ELN: variants seen among roughly 807,000 people sequenced by gnomAD.
ELN encodes the protein tropoelastin.
ELN carries 65 observed loss-of-function variants against 105.8 expected under a neutral mutation model. The observed-to-expected ratio is 0.61, with a 90% CI of 0.50 to 0.75. The LOEUF (loss-of-function observed/expected upper bound fraction) is 0.75. Ranked by LOEUF, ELN falls within the 30% of genes least tolerant of loss-of-function variation. The pLI is 0.00. For missense variants in ELN, 882 were observed against 969.4 expected, an observed-to-expected ratio of 0.91 and a Z score of 1.20; for synonymous variants, 368 against 389.2, an observed-to-expected ratio of 0.95 and a Z score of 0.64.
intron 4 of ELN, among the ~76,000 whole-genome samples, chr7:74,040,656 C>G (rs984998638): frequency 2.0e-5 from 3 of 152,120 alleles, no homozygotes; most frequent in Non-Finnish European, 2.9e-5. Context: ...GAATGTCTCC[C>G]GCAGTGGGAG....
In ELN at chr7:74,065,968, T is replaced by C. The variant is rs782459547; in HGVS notation, c.2057T>C (p.Leu686Pro). Reference sequence around the variant, plus strand: ...GGTGCTGCTGGCCTTGGAGGTGTCCTAGGGGGTGCCGGGCAGTTCCCACTT... The same window carrying C: ...GGTGCTGCTGGCCTTGGAGGTGTCCCAGGGGGTGCCGGGCAGTTCCCACTT... Reference protein sequence around the residue: ...KYGAAGLGGVLGGAGQFPLGG... With the variant: ...KYGAAGLGGVPGGAGQFPLGG... Residue 686 changes from leucine to proline, a missense_variant, in exon 31 of 33, where the codon CTA becomes CCA. Transcript: ENST00000252034. 1.9e-5 allele frequency: 30 copies of C among 1,613,908 alleles called. No individual in the cohort carries two copies. The South Asian group carries it at 3.2e-4, about 17-fold the overall frequency.
intron 9 of ELN, 32 bp downstream of exon 9, chr7:74,043,952 A>G: frequency 1.2e-6 from 2 of 1,613,774 alleles, no homozygotes; most frequent in Non-Finnish European, 1.7e-6. Flanking sequence ...GGGACTCTAT[A>G]GGAAGAAAGC....
In ELN at chr7:74,028,438, C is replaced by A. The variant is rs143319334; in HGVS notation, c.82+169C>A. 5.9e-3 allele frequency among the ~76,000 whole-genome samples: 897 copies of A among 152,312 alleles called. 5 individuals carry two copies. The highest frequency in any genetic ancestry group is 8.2e-3 in the Non-Finnish European group (557 of 68,016). On this transcript the variant is annotated intron_variant, in intron 1 of 32. Transcript: ENST00000252034. Reference sequence around the variant, plus strand: ...GGAACTGCCCCTCCCAGGAGCCAGCCCCGTGCCCAGGAGGAACCTGTCAAA... The same window carrying A: ...GGAACTGCCCCTCCCAGGAGCCAGCACCGTGCCCAGGAGGAACCTGTCAAA...
rs1795467072 is a variant in ELN at position 74,057,319 on chromosome 7, C to G, written c.1358-321C>G. On this transcript the variant is annotated intron_variant, in intron 21 of 32. Coordinates refer to ENST00000252034, the MANE Select transcript of ELN (RefSeq NM_000501.4). The stretch of plus-strand genomic sequence containing the variant: ...CTTCTTCCTCCGATTCTCCCACCCA[C>G]CCTTGCTCCCCCAAAAAGTGAGTAC... 3.0e-6 allele frequency: 4 copies of G among 1,335,330 alleles called. No individual in the cohort carries two copies. The South Asian group carries it at 7.1e-5, about 24-fold the overall frequency. 82.7% of individuals were successfully genotyped at this position (1,335,330 alleles called of 1,614,324 possible).
At position 74,048,515 on chromosome 7, in the gene ELN, A is replaced by AGGC. The variant is rs782345583; in HGVS notation, c.759_761dup (p.Ala260dup). 9 of 1,613,996 alleles carry AGGC rather than the reference A, an allele frequency of 5.6e-6. No individual in the cohort carries two copies. The highest frequency in any genetic ancestry group is 3.3e-5 in the Admixed American group (2 of 60,012). ...TTCCTTCCCCCAGGGGTTGGCCCCC[A>AGGC]GGCAGCAGCAGCAGCGGCAGCTAAA... On this transcript the variant is annotated inframe_insertion, in exon 15 of 33. Coordinates refer to ENST00000252034, the MANE Select transcript of ELN (RefSeq NM_000501.4).
Position 74,060,445 on chromosome 7 carries a change from T to G in ELN, c.1691T>G (p.Val564Gly). 6.2e-7 allele frequency: 1 copy of G among 1,613,632 alleles called. No homozygotes were observed. The highest frequency in any genetic ancestry group is 8.5e-7 in the Non-Finnish European group (1 of 1,179,946). ...GVGVGVPGLG[V>G]GAGVPGLGVG... The stretch of plus-strand genomic sequence containing the variant: ...GGTGTCGGCGTCCCTGGACTTGGAG[T>G]TGGTGCTGGTGTTCCTGGACTTGGA... The change falls in exon 25 of 33, where the codon GTT becomes GGT. Residue 564 changes from valine to glycine, a missense_variant. Coordinates refer to ENST00000252034, the MANE Select transcript of ELN (RefSeq NM_000501.4).
intron 17 of ELN, 97 bp downstream of exon 17, chr7:74,052,080 T>C (rs1206380544): frequency 1.3e-5 from 17 of 1,359,908 alleles, no homozygotes; most frequent in East Asian, 2.3e-5. Context: ...CCTTTGTTCC[T>C]TCCCAAATAT....
Position 74,059,972 on chromosome 7 carries a change from G to A in ELN, c.1501G>A (p.Val501Ile), listed in dbSNP as rs781816860. The change falls in exon 23 of 33, where the codon GTT (valine) becomes ATT (isoleucine). Residue 501 changes from valine to isoleucine, a missense_variant. Val to Ile is a conservative substitution (Grantham distance 29). Transcript: ENST00000252034. ...TCCTGGAGTTGGCTTGGCTCCTGGA[G>A]TTGGCGTGGCTCCTGGAGTTGGTGT... ...VAPGVGLAPG[V>I]GVAPGVGVAP... 5.6e-6 allele frequency: 9 copies of A among 1,613,554 alleles called. No individual in the cohort carries two copies. The highest frequency in any genetic ancestry group is 4.0e-5 in the African/African-American group (3 of 74,850).
At chr7:74,057,329 C>T (rs879970380) in intron 21 of ELN, 71 of 1,409,490 alleles carry the variant, frequency 5.0e-5, no homozygotes, top group Non-Finnish European at 6.2e-5. Flanking sequence ...CCCTTGCTCC[C>T]CCAAAAAGTG....
At chr7:74,048,229 C>A (rs782124458) in intron 14 of ELN, 28 bp downstream of exon 14, 1 of 1,613,872 alleles carries the variant, frequency 6.2e-7, no homozygotes. Context: ...TCACTTCCAG[C>A]CAAGGGAGCA....
chr7:74,056,596 G>A (rs1339985587), intron 20 of ELN, 76 bp from the exon 21 acceptor site: 10 of 1,611,014 alleles, frequency 6.2e-6, no homozygotes, highest in Non-Finnish European at 7.6e-6. Context: ...TTACAGGGCA[G>A]AAGAGCTTTA....
rs567464161 is a variant in ELN at position 74,055,789 on chromosome 7, G to C, written c.1151-482G>C. Among the ~76,000 whole-genome samples, 6 of 135,268 alleles carry C rather than the reference G, an allele frequency of 4.4e-5. 1 individual carries two copies. Among genetic ancestry groups the C allele is most frequent in the African/African-American group, 1.7e-4 (6 of 35,886 alleles). 88.7% of individuals were successfully genotyped at this position (135,268 alleles called of 152,430 possible). A position where few individuals can be genotyped will look rare whatever the true frequency, so the allele number is the denominator to read the frequency against. On this transcript the variant is annotated intron_variant, in intron 19 of 32. Transcript: ENST00000252034. ...AGCCACTGCACCCGGCCAAAAAAAA[G>C]AAATTTTTTTTTTTTGAGACGGAGT... is the stretch of plus-strand genomic sequence containing the variant.
At chr7:74,068,341 C>G (rs529093086) in intron 32 of ELN, among the ~76,000 whole-genome samples, 1 of 152,324 alleles carries the variant, frequency 6.6e-6, no homozygotes, top group East Asian at 1.9e-4. Flanking sequence ...TGCTCTTAGC[C>G]TTTCCCCGAA....
chr7:74,054,786 C>G lies in ELN; in HGVS notation c.1150+17C>G, dbSNP rs375976670. 1.9e-6 allele frequency: 3 copies of G among 1,613,810 alleles called. No individual in the cohort carries two copies. Among genetic ancestry groups the G allele is most frequent in the East Asian group, 2.2e-5 (1 of 44,892 alleles). The stretch of plus-strand genomic sequence containing the variant: ...CCAAATACGGTGAGTGCTATGCTGA[C>G]AGCTCTGCCCCACCCTGTCCTGGCC... On this transcript the variant is annotated intron_variant, in intron 19 of 32. Transcript: ENST00000252034.
intron 1 of ELN, among the ~76,000 whole-genome samples, chr7:74,030,617 T>C (rs1212335349): frequency 1.3e-5 from 2 of 152,136 alleles, no homozygotes; most frequent in African/African-American, 4.8e-5. Flanking sequence ...CAGGCTGGTC[T>C]GAATTCCTGG....
At chr7:74,046,131 T>G in intron 10 of ELN, 57 bp from the exon 11 acceptor site, 4 of 1,612,532 alleles carry the variant, frequency 2.5e-6, no homozygotes, top group Admixed American at 1.7e-5. Flanking sequence ...CCCTTGGTGC[T>G]GTCTGGCCCA....
intron 31 of ELN, 56 bp from the exon 32 acceptor site, chr7:74,066,676 A>C (rs1272175464): frequency 6.9e-6 from 11 of 1,584,266 alleles, no homozygotes; most frequent in Middle Eastern, 1.7e-4. Flanking sequence ...GAAAGTGATG[A>C]GGCTGGAGTC....
At position 74,060,053 on chromosome 7, in the gene ELN, T is replaced by C. The variant is rs1246477367; in HGVS notation, c.1576+6T>C. ...TGGCCCTGGTGGAGTTGCAGGTGAG[T>C]TTCATGAGTCAATGAGCCTGAGGGG... On this transcript the variant is annotated splice_donor_region_variant and intron_variant, in intron 23 of 32. Coordinates refer to ENST00000252034, the MANE Select transcript of ELN (RefSeq NM_000501.4). The C allele has an allele frequency of 6.2e-7, 1 of 1,612,994 alleles. No homozygotes were observed. Among genetic ancestry groups the C allele is most frequent in the African/African-American group, 1.3e-5 (1 of 74,442 alleles).
rs781862257 is a variant in ELN at position 74,043,862 on chromosome 7, C to T, written c.428-17C>T. ...GGCTGAGCTGCTGCTAGTAACTTTG[C>T]TTTCTTTTGGCCACAGGTGTGGGGC... On this transcript the variant is annotated splice_polypyrimidine_tract_variant and intron_variant, in intron 8 of 32. Coordinates refer to ENST00000252034, the MANE Select transcript of ELN (RefSeq NM_000501.4). 3 of 1,613,982 alleles carry T rather than the reference C, an allele frequency of 1.9e-6. No individual in the cohort carries two copies. Among genetic ancestry groups the T allele is most frequent in the Non-Finnish European group, 1.7e-6 (2 of 1,179,976 alleles).
Sources: gnomAD v4.1 joint callset for allele counts (sites outside exome capture counted in the v4.1 genomes callset) on GRCh38, gnomAD v4.1.1 for gene constraint, MANE v1.5 for transcripts, NCBI Gene and HGNC (gene_info 2026-07-23, HGNC 2026-07-21) for gene names.